BTBD9: variants seen among roughly 807,000 people sequenced by gnomAD.
The protein encoded by BTBD9 is BTB/POZ domain-containing protein 9.
A neutral mutation model predicts 64.3 loss-of-function variants in BTBD9; 49 were observed. The ratio of observed to expected loss-of-function variants is 0.76; its 90% CI spans 0.61 to 0.97. BTBD9 has a LOEUF of 0.97. Among genes scored for constraint, BTBD9 ranks in the 50% least tolerant of loss-of-function variants. The pLI is 0.00. For missense variants in BTBD9, 598 were observed against 762.1 expected (o/e 0.78, Z 2.53); for synonymous variants, 260 against 274.7 (o/e 0.95, Z 0.53).
chr6:38,369,353 G>C (rs571099651), intron 6 of BTBD9, among the ~76,000 whole-genome samples: 3 of 152,134 alleles, frequency 2.0e-5, no homozygotes, highest in Non-Finnish European at 4.4e-5. Flanking sequence ...ATACAAATGG[G>C]CTTCCAGGTA....
intron 6 of BTBD9, among the ~76,000 whole-genome samples, chr6:38,493,103 G>A (rs1256025881): frequency 3.9e-5 from 6 of 152,056 alleles, no homozygotes; most frequent in African/African-American, 7.2e-5. Flanking sequence ...ATAACCTACC[G>A]ATTACTTTGA....
intron 6 of BTBD9, among the ~76,000 whole-genome samples, chr6:38,508,062 T>C (rs1194225043): frequency 6.6e-6 from 1 of 152,106 alleles, no homozygotes; most frequent in Non-Finnish European, 1.5e-5. Context: ...CTCGATCTCC[T>C]GACCTTGTGA....
At chr6:38,396,897 CT>C (rs146597621) in intron 6 of BTBD9, among the ~76,000 whole-genome samples, 5,952 of 107,568 alleles carry the variant, frequency 0.055, 218 homozygotes, top group East Asian at 0.25. Flanking sequence ...TTTTCTTTTT[CT>C]TTTTTTTTTT....
chr6:38,485,905 A>G (rs1020332212), intron 6 of BTBD9, among the ~76,000 whole-genome samples: 1 of 152,172 alleles, frequency 6.6e-6, no homozygotes. Context: ...ATAGGAGGCT[A>G]TTTCATCTAT....
intron 9 of BTBD9, among the ~76,000 whole-genome samples, chr6:38,251,972 A>C (rs1490704001): frequency 2.0e-5 from 3 of 152,106 alleles, no homozygotes; most frequent in Non-Finnish European, 4.4e-5. Flanking sequence ...ATGAAGAAAG[A>C]GGGGTAAAAT....
In BTBD9 at chr6:38,184,058, G is replaced by A. The variant is rs76102219; in HGVS notation, c.1641+8461C>T. ...CTAGTATACGTATTCTTTGGTGTCT[G>A]GCTTCTGTCCTTCAACACGCCGTTA... On this transcript the variant is annotated intron_variant, in intron 10 of 10. Transcript: ENST00000481247. This position sits in a 1 kb window ranked among gnomAD's most constrained non-coding sequence, Gnocchi z 4.4. 0.022 allele frequency among the ~76,000 whole-genome samples: 3,311 copies of A among 152,298 alleles called. 138 individuals carry two copies. Among genetic ancestry groups the A allele is most frequent in the African/African-American group, 0.074 (3,073 of 41,550 alleles).
chr6:38,257,502 A>G (rs1168351922), intron 8 of BTBD9, among the ~76,000 whole-genome samples: 2 of 152,036 alleles, frequency 1.3e-5, no homozygotes, highest in Non-Finnish European at 2.9e-5. Flanking sequence ...GGTCTAATTG[A>G]TATTTCTTAT....
At chr6:38,397,091 G>A (rs1035481698) in intron 6 of BTBD9, among the ~76,000 whole-genome samples, 2 of 151,788 alleles carry the variant, frequency 1.3e-5, no homozygotes, top group Admixed American at 6.6e-5. Context: ...TAGTAGAGAC[G>A]GGGTTTGGCC....
intron 9 of BTBD9, among the ~76,000 whole-genome samples, chr6:38,229,931 A>C (rs1763538248): frequency 6.6e-6 from 1 of 152,180 alleles, no homozygotes; most frequent in Non-Finnish European, 1.5e-5. Flanking sequence ...ATTGATAAAA[A>C]GAGTGAAATG....
chr6:38,254,543 G>A (rs1185620837), intron 9 of BTBD9, among the ~76,000 whole-genome samples: 1 of 152,058 alleles, frequency 6.6e-6, no homozygotes, highest in Non-Finnish European at 1.5e-5. Context: ...AGACTGAGGT[G>A]GGAAGATCAC....
chr6:38,476,583 C>T (rs892162553), intron 6 of BTBD9, among the ~76,000 whole-genome samples: 1 of 152,162 alleles, frequency 6.6e-6, no homozygotes, highest in African/African-American at 2.4e-5. Context: ...CATGTCATGT[C>T]GTCGTCTTTT....
At chr6:38,510,994 G>T (rs1367165404) in intron 6 of BTBD9, among the ~76,000 whole-genome samples, 1 of 152,122 alleles carries the variant, frequency 6.6e-6, no homozygotes, top group African/African-American at 2.4e-5. Flanking sequence ...AATTACATAT[G>T]CTATACTTTT....
intron 1 of BTBD9, among the ~76,000 whole-genome samples, chr6:38,634,570 T>C (rs966186119): frequency 6.6e-6 from 1 of 151,050 alleles, no homozygotes; most frequent in African/African-American, 2.4e-5. Flanking sequence ...GATTGTTCCT[T>C]TTTTTTAAAA....
At chr6:38,578,722 T>C (rs1184983038) in intron 5 of BTBD9, among the ~76,000 whole-genome samples, 1 of 152,194 alleles carries the variant, frequency 6.6e-6, no homozygotes, top group African/African-American at 2.4e-5. Context: ...TCTTTTTGGC[T>C]TAAGATTCTG....
At chr6:38,622,026 G>A (rs940250208) in intron 1 of BTBD9, among the ~76,000 whole-genome samples, 6 of 152,162 alleles carry the variant, frequency 3.9e-5, no homozygotes, top group Non-Finnish European at 5.9e-5. Flanking sequence ...ACTCATACCC[G>A]AAGCCAGCCA....
chr6:38,182,932 A>T (rs1761628584), intron 10 of BTBD9, among the ~76,000 whole-genome samples: 2 of 152,034 alleles, frequency 1.3e-5, no homozygotes, highest in Non-Finnish European at 2.9e-5. Flanking sequence ...TTTCCAATAA[A>T]ATCTTTCATA....
intron 6 of BTBD9, among the ~76,000 whole-genome samples, chr6:38,514,329 T>C (rs1772913569): frequency 6.6e-6 from 1 of 152,250 alleles, no homozygotes; most frequent in South Asian, 2.1e-4. Flanking sequence ...TTCTTTTAAT[T>C]GTAAACTTAT....
chr6:38,584,737 C>T (rs748270313), intron 4 of BTBD9, among the ~76,000 whole-genome samples: 20 of 152,128 alleles, frequency 1.3e-4, no homozygotes, highest in Admixed American at 2.0e-4. Flanking sequence ...TGTATGGATG[C>T]TCCCTTCCTG....
At chr6:38,453,120 T>G (rs1769634806) in intron 6 of BTBD9, among the ~76,000 whole-genome samples, 1 of 152,152 alleles carries the variant, frequency 6.6e-6, no homozygotes, top group Non-Finnish European at 1.5e-5. Context: ...GAGTGAAAAT[T>G]TATGCAAAGT....
Sources: allele counts gnomAD v4.1 joint callset (sites outside exome capture counted in the v4.1 genomes callset), GRCh38; gene constraint gnomAD v4.1.1; non-coding constraint Gnocchi (gnomAD v3.1); transcripts MANE v1.5; gene names NCBI Gene and HGNC (gene_info 2026-07-23, HGNC 2026-07-21).